The following MELK variants were observed in gnomAD, a reference collection of about 807,000 sequenced individuals.
The protein encoded by MELK is pEg3 kinase.
In MELK, 81 loss-of-function variants were observed where a neutral mutation model predicts 85.0. That is an observed-to-expected ratio of 0.95 (90% CI 0.80 to 1.15). MELK has a LOEUF of 1.15. Ranked by LOEUF, MELK falls within the 50% of genes most tolerant of loss-of-function variation. The pLI, the probability that MELK is intolerant of heterozygous loss-of-function variation, is 0.00. For synonymous variants in MELK, 252 were observed against 265.0 expected, an observed-to-expected ratio of 0.95 and a Z score of 0.48; for missense variants, 754 against 777.5, an observed-to-expected ratio of 0.97 and a Z score of 0.36.
chr9:36,628,316 G>A (rs1828137677), intron 8 of MELK, among the ~76,000 whole-genome samples: 1 of 152,206 alleles, frequency 6.6e-6, no homozygotes, highest in African/African-American at 2.4e-5. Flanking sequence ...TGGGAAGGAG[G>A]GGTTTTAGAT....
At chr9:36,619,748 G>T (rs544223693) in intron 8 of MELK, among the ~76,000 whole-genome samples, 28 of 152,312 alleles carry the variant, frequency 1.8e-4, no homozygotes, top group African/African-American at 6.3e-4. Flanking sequence ...TGTTTGAGTT[G>T]TGCTGAATGA....
intron 8 of MELK, among the ~76,000 whole-genome samples, chr9:36,610,314 T>C (rs953838328): frequency 1.3e-5 from 2 of 152,228 alleles, no homozygotes; most frequent in East Asian, 1.9e-4. Flanking sequence ...ATTTGACTTA[T>C]AGTTTTTCCT....
intron 14 of MELK, among the ~76,000 whole-genome samples, chr9:36,665,844 A>T (rs1331801366): frequency 6.6e-6 from 1 of 152,242 alleles, no homozygotes; most frequent in Non-Finnish European, 1.5e-5. Flanking sequence ...GCTGAAAGGC[A>T]AGTTAGAGCT....
intron 11 of MELK, among the ~76,000 whole-genome samples, chr9:36,648,116 T>C (rs1430994666): frequency 6.6e-6 from 1 of 152,160 alleles, no homozygotes; most frequent in Non-Finnish European, 1.5e-5. Context: ...GAAACTTTCA[T>C]TAAACATAGT....
At chr9:36,659,570 T>C (rs1252627731) in intron 13 of MELK, among the ~76,000 whole-genome samples, 1 of 152,216 alleles carries the variant, frequency 6.6e-6, no homozygotes, top group East Asian at 1.9e-4. Flanking sequence ...CTATACCTTT[T>C]CTCTGCTCAA....
At chr9:36,662,946 A>G (rs1477570624) in intron 13 of MELK, among the ~76,000 whole-genome samples, 1 of 151,928 alleles carries the variant, frequency 6.6e-6, no homozygotes, top group Non-Finnish European at 1.5e-5. Flanking sequence ...TGGTAAATAG[A>G]GATGTGGATT....
At chr9:36,582,189 C>T (rs184329621) in intron 2 of MELK, among the ~76,000 whole-genome samples, 7 of 152,062 alleles carry the variant, frequency 4.6e-5, no homozygotes, top group Admixed American at 3.3e-4. Context: ...AGGATGGTCT[C>T]GATCTCCTGA....
rs1829170813 is a variant in MELK at position 36,636,677 on chromosome 9, G to C, written c.834+3477G>C. ...TCACTAGAAAGACTGGCTGTTTCCT[G>C]GGCCACATGTGTCCATCAGGCTAAC... On this transcript the variant is annotated intron_variant, in intron 10 of 17. Transcript: ENST00000298048. 2.0e-5 allele frequency among the ~76,000 whole-genome samples: 3 copies of C among 151,946 alleles called. 1 individual carries two copies. Among genetic ancestry groups the C allele is most frequent in the Admixed American group, 2.0e-4 (3 of 15,250 alleles).
intron 1 of MELK, among the ~76,000 whole-genome samples, chr9:36,576,712 A>G (rs1587292869): frequency 1.3e-5 from 2 of 152,162 alleles, no homozygotes; most frequent in East Asian, 3.9e-4. Flanking sequence ...TTGTATTTTT[A>G]GTAGAGACGG....
intron 8 of MELK, among the ~76,000 whole-genome samples, chr9:36,615,780 C>T (rs1279977850): frequency 1.3e-5 from 2 of 150,214 alleles, no homozygotes; most frequent in Non-Finnish European, 3.0e-5. Context: ...AGACGCTCCT[C>T]ACTTCCTAGA....
At chr9:36,632,384 A>G (rs1331035142) in intron 9 of MELK, among the ~76,000 whole-genome samples, 1 of 152,202 alleles carries the variant, frequency 6.6e-6, no homozygotes, top group Non-Finnish European at 1.5e-5. Flanking sequence ...TAGTGTTATA[A>G]GGACAAAATG....
chr9:36,644,613 T>C (rs2137004729), intron 11 of MELK, among the ~76,000 whole-genome samples: 1 of 152,298 alleles, frequency 6.6e-6, no homozygotes, highest in East Asian at 1.9e-4. Flanking sequence ...CCTCAGTCTT[T>C]CATTAGTGAA....
chr9:36,625,874 T>C (rs1468265638), intron 8 of MELK, among the ~76,000 whole-genome samples: 1 of 151,250 alleles, frequency 6.6e-6, no homozygotes, highest in East Asian at 1.9e-4. Flanking sequence ...TGAGCGAAGA[T>C]TGTGCCGTGA....
intron 8 of MELK, 200 bp from the exon 9 acceptor site, chr9:36,630,099 C>T: frequency 1.8e-6 from 1 of 548,488 alleles, no homozygotes; most frequent in South Asian, 2.5e-5. Flanking sequence ...CCCGCTTTGA[C>T]CTCCCAAAGT....
In MELK at chr9:36,665,542, A is replaced by G; in HGVS notation, c.1369A>G (p.Ile457Val). The G allele has an allele frequency of 2.5e-6, 4 of 1,613,862 alleles. No individual in the cohort carries two copies. Among genetic ancestry groups the G allele is most frequent in the South Asian group, 1.1e-5 (1 of 91,048 alleles). Residue 457 changes from isoleucine (I) to valine (V), a missense_variant, in exon 14 of 18, where the codon ATA becomes GTA. Transcript: ENST00000298048. ...PVNKNQHKREILTTPNRYTTP... is the reference protein window; with the variant it reads ...PVNKNQHKREVLTTPNRYTTP... Reference sequence around the variant, plus strand: ...TAATAAGAACCAGCATAAGAGAGAAATACTCACTACGCCAAATCGTTACAC... The same window carrying G: ...TAATAAGAACCAGCATAAGAGAGAAGTACTCACTACGCCAAATCGTTACAC...
chr9:36,611,147 C>T (rs552433744), intron 8 of MELK, among the ~76,000 whole-genome samples: 69 of 152,244 alleles, frequency 4.5e-4, no homozygotes, highest in Admixed American at 5.9e-4. Flanking sequence ...GGATACTCGG[C>T]TTGTATTATA....
intron 1 of MELK, among the ~76,000 whole-genome samples, chr9:36,578,917 A>G (rs1186359723): frequency 1.3e-5 from 2 of 152,148 alleles, no homozygotes; most frequent in Non-Finnish European, 2.9e-5. Flanking sequence ...ATCTTGGCTC[A>G]CTGCAACCTC....
At chr9:36,619,867 G>A (rs1827227983) in intron 8 of MELK, among the ~76,000 whole-genome samples, 1 of 152,182 alleles carries the variant, frequency 6.6e-6, no homozygotes, top group Admixed American at 6.5e-5. Flanking sequence ...GCTTTCTGAA[G>A]TGTGTGTGTT....
At chr9:36,648,117 T>C (rs1480440583) in intron 11 of MELK, among the ~76,000 whole-genome samples, 1 of 152,150 alleles carries the variant, frequency 6.6e-6, no homozygotes, top group Admixed American at 6.5e-5. Context: ...AAACTTTCAT[T>C]AAACATAGTG....
Sources: gnomAD v4.1 joint callset for allele counts (sites outside exome capture counted in the v4.1 genomes callset) on GRCh38, gnomAD v4.1.1 for gene constraint, MANE v1.5 for transcripts, NCBI Gene and HGNC (gene_info 2026-07-23, HGNC 2026-07-21) for gene names.